The following SAMD4A variants were observed in gnomAD, a reference collection of about 807,000 sequenced individuals.
The protein encoded by SAMD4A is protein Smaug homolog 1.
SAMD4A carries 33 observed loss-of-function variants against 81.3 expected under a neutral mutation model. The ratio of observed to expected loss-of-function variants is 0.41; its 90% CI spans 0.31 to 0.54. SAMD4A has a LOEUF of 0.54. Among genes scored for constraint, SAMD4A ranks in the 20% least tolerant of loss-of-function variants. The pLI, the probability that SAMD4A is intolerant of heterozygous loss-of-function variation, is 0.37. For missense variants in SAMD4A, 854 were observed against 951.1 expected, an observed-to-expected ratio of 0.90 and a Z score of 1.34; for synonymous variants, 389 against 382.1, an observed-to-expected ratio of 1.02 and a Z score of -0.21.
Position 54,760,472 on chromosome 14 carries a change from G to T in SAMD4A, c.1488G>T (p.Gln496His). Residue 496 changes from glutamine to histidine, a missense_variant, in exon 7 of 13, where the codon CAG becomes CAT. Around this residue, in one of 3 missense-constraint regions of SAMD4A, gnomAD observed 428 missense variants for 471.2 expected, o/e 0.91. Transcript: ENST00000554335. ...APLPEGDLPGQFTRVMGKVCT... is the reference protein window; with the variant it reads ...APLPEGDLPGHFTRVMGKVCT... ...TGCCAGAGGGGGACCTCCCCGGGCAGTTCACACGCGTCATGGGGAAAGGTA... is the reference window on the plus strand; with the variant it reads ...TGCCAGAGGGGGACCTCCCCGGGCATTTCACACGCGTCATGGGGAAAGGTA... The T allele has an allele frequency of 1.4e-6, 2 of 1,408,188 alleles. No individual in the cohort carries two copies. The highest frequency in any genetic ancestry group is 9.2e-7 in the Non-Finnish European group (1 of 1,089,834). The allele number at this position is 1,408,188 out of a possible 1,614,324, so 87.2% of individuals were successfully genotyped here. A position where few individuals can be genotyped will look rare whatever the true frequency, so the allele number is the denominator to read the frequency against.
intron 2 of SAMD4A, among the ~76,000 whole-genome samples, chr14:54,641,809 G>T (rs1193791459): frequency 3.3e-5 from 5 of 152,024 alleles, no homozygotes; most frequent in Non-Finnish European, 7.4e-5. Flanking sequence ...TGTTGTTGTT[G>T]TTTTTTGAGA....
At chr14:54,635,659 A>C (rs753611248) in intron 2 of SAMD4A, among the ~76,000 whole-genome samples, 13 of 151,852 alleles carry the variant, frequency 8.6e-5, no homozygotes, top group Non-Finnish European at 1.6e-4. Context: ...GAGGCAAGAG[A>C]ATCACTTGAA....
chr14:54,574,312 TGG>T (rs2033222172), intron 2 of SAMD4A, among the ~76,000 whole-genome samples: 1 of 152,178 alleles, frequency 6.6e-6, no homozygotes, highest in Admixed American at 6.5e-5. Context: ...GAGAACAGCG[TGG>T]ATTGGGCAGT....
chr14:54,719,306 G>A (rs1421330466), intron 3 of SAMD4A, among the ~76,000 whole-genome samples: 13 of 152,134 alleles, frequency 8.5e-5, no homozygotes. Context: ...GGGTCCCATT[G>A]GGAATCACAG....
rs550939780 is a variant in SAMD4A, at chr14:54,669,510, G to A, written c.197-32552G>A. 2.1e-5 allele frequency among the ~76,000 whole-genome samples: 3 copies of A among 143,570 alleles called. No homozygotes were observed. In the East Asian group the frequency reaches 6.3e-4, roughly 30 times the overall value. The allele number at this position is 143,570 out of a possible 152,430, so 94.2% of individuals were successfully genotyped here. The stretch of plus-strand genomic sequence containing the variant: ...CACTCTGTTGCCCAGGCTGGCTGGA[G>A]TGCAGTGGTGCGATCATCGCTCACT... On this transcript the variant is annotated intron_variant, in intron 2 of 12. Coordinates refer to ENST00000554335, the MANE Select transcript of SAMD4A (RefSeq NM_015589.6).
chr14:54,742,405 A>AC (rs922083416), intron 4 of SAMD4A, among the ~76,000 whole-genome samples: 1 of 151,824 alleles, frequency 6.6e-6, no homozygotes, highest in Non-Finnish European at 1.5e-5. Context: ...GAGGTGTGCA[A>AC]CCCCCTCAGT....
At chr14:54,655,807 C>T (rs1341884963) in intron 2 of SAMD4A, among the ~76,000 whole-genome samples, 2 of 152,030 alleles carry the variant, frequency 1.3e-5, no homozygotes, top group African/African-American at 4.8e-5. Context: ...TGTACAAATT[C>T]AAGCCTTGCT....
intron 3 of SAMD4A, among the ~76,000 whole-genome samples, chr14:54,730,396 T>C (rs1163569488): frequency 6.6e-6 from 1 of 152,234 alleles, no homozygotes; most frequent in Non-Finnish European, 1.5e-5. Context: ...AAGTATACAC[T>C]TTCTTTTCAC....
intron 3 of SAMD4A, among the ~76,000 whole-genome samples, chr14:54,706,573 C>G (rs112388935): frequency 3.0e-4 from 45 of 150,436 alleles, no homozygotes; most frequent in African/African-American, 1.0e-3. Context: ...CCACTGTACT[C>G]CAGCCTGGGT....
intron 8 of SAMD4A, among the ~76,000 whole-genome samples, chr14:54,769,810 GT>G (rs2038653003): frequency 6.6e-6 from 1 of 152,224 alleles, no homozygotes; most frequent in Admixed American, 6.5e-5. Context: ...AGAGTCTGGA[GT>G]GGAGTCAGGA....
Position 54,702,158 on chromosome 14 carries a change from A to C in SAMD4A, c.293A>C (p.Lys98Thr). ...CTGAAGCCAGGAAACCTCGACGCGA[A>C]AGTAGAATATATGAAACTGCTGCCC... The part of the protein sequence containing the change: ...PLLKPGNLDA[K>T]VEYMKLLPKI... The change falls in exon 3 of 13, where the codon AAA becomes ACA. Residue 98 changes from lysine (K) to threonine (T), a missense_variant. Lys to Thr is a moderately conservative substitution (Grantham distance 78). Transcript: ENST00000554335. 6.2e-7 allele frequency: 1 copy of C among 1,614,166 alleles called. No individual in the cohort carries two copies. The highest frequency in any genetic ancestry group is 8.5e-7 in the Non-Finnish European group (1 of 1,180,016).
intron 2 of SAMD4A, among the ~76,000 whole-genome samples, chr14:54,622,135 G>C (rs2034632644): frequency 6.6e-6 from 1 of 152,158 alleles, no homozygotes; most frequent in Non-Finnish European, 1.5e-5. Context: ...ACCAGGATAA[G>C]TCTTGTTAAT....
intron 2 of SAMD4A, among the ~76,000 whole-genome samples, chr14:54,593,631 G>A (rs530524918): frequency 2.6e-5 from 4 of 152,150 alleles, no homozygotes; most frequent in South Asian, 2.1e-4. Flanking sequence ...GCTTAGTTTC[G>A]CTTAATTTTG....
intron 3 of SAMD4A, among the ~76,000 whole-genome samples, chr14:54,733,230 A>G (rs975535108): frequency 2.1e-4 from 32 of 152,220 alleles, no homozygotes; most frequent in East Asian, 9.6e-4. Context: ...CCATATTTCA[A>G]CTAGACTTAC....
chr14:54,664,810 AACACACACACAC>A (rs140875623), intron 2 of SAMD4A, among the ~76,000 whole-genome samples: 48 of 141,762 alleles, frequency 3.4e-4, no homozygotes, highest in Admixed American at 1.9e-3. Context: ...ATGTGAATCC[AACACACACACAC>A]ACACACACAC....
At chr14:54,745,044 T>C (rs2037933125) in intron 4 of SAMD4A, among the ~76,000 whole-genome samples, 1 of 152,230 alleles carries the variant, frequency 6.6e-6, no homozygotes, top group Non-Finnish European at 1.5e-5. Flanking sequence ...CTTCAAGTAC[T>C]GTCAATTTCC....
At chr14:54,618,511 C>G (rs2034542453) in intron 2 of SAMD4A, among the ~76,000 whole-genome samples, 1 of 152,190 alleles carries the variant, frequency 6.6e-6, no homozygotes, top group Non-Finnish European at 1.5e-5. Flanking sequence ...TTAGCCAAAC[C>G]ATCTCCATCT....
chr14:54,742,974 G>A (rs182929960), intron 4 of SAMD4A, among the ~76,000 whole-genome samples: 105 of 152,306 alleles, frequency 6.9e-4, no homozygotes, highest in Non-Finnish European at 8.4e-4. Flanking sequence ...CTGAAATAGC[G>A]GGTTTGGGGT....
At chr14:54,758,047 C>A (rs2038292601) in intron 6 of SAMD4A, among the ~76,000 whole-genome samples, 1 of 152,198 alleles carries the variant, frequency 6.6e-6, no homozygotes, top group African/African-American at 2.4e-5. Flanking sequence ...ACGCCTGACT[C>A]CTGCAGAGAC....
Sources: allele counts gnomAD v4.1 joint callset (sites outside exome capture counted in the v4.1 genomes callset), GRCh38; gene constraint gnomAD v4.1.1; regional missense constraint gnomAD v4.1.1; transcripts MANE v1.5; gene names NCBI Gene and HGNC (gene_info 2026-07-23, HGNC 2026-07-21).